PPHLN1: variants seen among roughly 807,000 people sequenced by gnomAD.
PPHLN1 encodes periphilin-1.
Under a neutral mutation model 51.3 loss-of-function variants are expected in PPHLN1, and 29 were observed. That is an observed-to-expected ratio of 0.57 (90% CI 0.42 to 0.77). The LOEUF is 0.77. PPHLN1 is among the 30% of genes least tolerant of loss of function. PPHLN1 has a pLI of 0.00. For synonymous variants in PPHLN1, 147 were observed against 147.8 expected (o/e 0.99, Z 0.04); for missense variants, 436 against 438.4 (o/e 0.99, Z 0.05).
chr12:42,387,484 A>C lies in PPHLN1; in HGVS notation c.597A>C (p.Lys199Asn), dbSNP rs2077288602. The C allele has an allele frequency of 6.2e-7, 1 of 1,613,338 alleles. No homozygotes were observed. Among genetic ancestry groups the C allele is most frequent in the African/African-American group, 1.3e-5 (1 of 74,896 alleles). The change falls in exon 7 of 10, where the codon AAA becomes AAC. Residue 199 changes from lysine (K) to asparagine (N), a missense_variant. By Grantham distance (94) the Lys-to-Asn change is moderately conservative (BLOSUM62 0). Transcript: ENST00000358314. ...RDKERPVQSL[K>N]TSRDTSPSSG... ...AAGAGAGGCCTGTCCAGTCTTTGAA[A>C]ACATCAAGAGATACTTCACCCTCAA...
chr12:42,378,592 TAAA>T (rs35199538), intron 5 of PPHLN1, among the ~76,000 whole-genome samples: 2 of 151,614 alleles, frequency 1.3e-5, no homozygotes, highest in African/African-American at 2.4e-5. Context: ...ATGCCCTCAT[TAAA>T]AAAAATTAAT....
intron 1 of PPHLN1, chr12:42,332,579 T>C: frequency 1.1e-6 from 1 of 932,078 alleles, no homozygotes. Context: ...TTTATACAAT[T>C]AATGAAGATT....
At chr12:42,401,477 A>C (rs1363253790) in intron 9 of PPHLN1, among the ~76,000 whole-genome samples, 18 of 140,460 alleles carry the variant, frequency 1.3e-4, no homozygotes, top group Non-Finnish European at 2.7e-4. Flanking sequence ...CCTGTTAGGA[A>C]CTGGGCGTCA....
intron 6 of PPHLN1, 136 bp from the exon 7 acceptor site, chr12:42,387,320 A>G: frequency 1.1e-6 from 1 of 892,666 alleles, no homozygotes; most frequent in East Asian, 2.9e-5. Flanking sequence ...ATATTAACCT[A>G]TTTAATGTAA....
intron 1 of PPHLN1, among the ~76,000 whole-genome samples, chr12:42,335,222 C>G (rs573359088): frequency 1.1e-4 from 16 of 152,120 alleles, no homozygotes; most frequent in Admixed American, 2.6e-4. Context: ...CCCACCCCCC[C>G]CTTCTCTGAA....
chr12:42,440,572 T>C (rs533150573), intron 9 of PPHLN1, among the ~76,000 whole-genome samples: 1 of 152,192 alleles, frequency 6.6e-6, no homozygotes, highest in Non-Finnish European at 1.5e-5. Flanking sequence ...AACCTGAGAA[T>C]AATATATAAA....
At chr12:42,350,068 G>C (rs2073029246) in intron 2 of PPHLN1, 1 of 150,418 alleles carries the variant, frequency 6.6e-6, no homozygotes, top group Non-Finnish European at 1.5e-5. Context: ...CTGCCGGGCG[G>C]GGGCGCCCCC....
chr12:42,432,262 C>CT, intron 9 of PPHLN1: 1 of 767,374 alleles, frequency 1.3e-6, no homozygotes, highest in Admixed American at 1.7e-5. Flanking sequence ...AATTAGGGCC[C>CT]TGACAACCTC....
intron 4 of PPHLN1, among the ~76,000 whole-genome samples, chr12:42,368,308 A>G (rs1316756902): frequency 6.6e-6 from 1 of 152,062 alleles, no homozygotes; most frequent in Non-Finnish European, 1.5e-5. Context: ...ATTTATCATG[A>G]TATGCGTTAT....
chr12:42,357,896 A>C (rs1431769867), intron 4 of PPHLN1, among the ~76,000 whole-genome samples: 4 of 152,070 alleles, frequency 2.6e-5, no homozygotes, highest in African/African-American at 4.8e-5. Flanking sequence ...CACCCTTCCA[A>C]ATCTCTGTCT....
chr12:42,375,558 C>T (rs1257599072), intron 5 of PPHLN1, among the ~76,000 whole-genome samples: 1 of 152,124 alleles, frequency 6.6e-6, no homozygotes, highest in Non-Finnish European at 1.5e-5. Context: ...GATCCGCCCA[C>T]CTCTGCCTCC....
intron 9 of PPHLN1, among the ~76,000 whole-genome samples, chr12:42,435,481 G>A (rs954368595): frequency 6.6e-6 from 1 of 152,122 alleles, no homozygotes; most frequent in Non-Finnish European, 1.5e-5. Context: ...TACAGCACAA[G>A]CAGCAACATA....
chr12:42,377,777 T>A (rs960619721), intron 5 of PPHLN1, among the ~76,000 whole-genome samples: 1 of 139,468 alleles, frequency 7.2e-6, no homozygotes, highest in South Asian at 2.5e-4. Flanking sequence ...TTAAAGATAG[T>A]TATTAGTGAA....
chr12:42,384,504 T>C (rs2139001880), intron 5 of PPHLN1, among the ~76,000 whole-genome samples: 1 of 152,326 alleles, frequency 6.6e-6, no homozygotes, highest in Middle Eastern at 3.4e-3. Flanking sequence ...GGGTGATCCA[T>C]CTTTCATTTT....
chr12:42,405,024 C>T (rs544596516), intron 9 of PPHLN1, among the ~76,000 whole-genome samples: 2 of 152,244 alleles, frequency 1.3e-5, no homozygotes, highest in South Asian at 2.1e-4. Flanking sequence ...GAGACTCCGT[C>T]TAAAAAAATA....
intron 9 of PPHLN1, among the ~76,000 whole-genome samples, chr12:42,412,391 G>A (rs1310720058): frequency 6.6e-6 from 1 of 151,500 alleles, no homozygotes; most frequent in Non-Finnish European, 1.5e-5. Flanking sequence ...TTGGCTTCCA[G>A]CTCTATCAGA....
downstream of PPHLN1, chr12:42,446,548 A>G (rs1166222136): frequency 6.2e-7 from 1 of 1,603,492 alleles, no homozygotes; most frequent in Non-Finnish European, 8.5e-7. Flanking sequence ...AAAGAATATT[A>G]CTAATTATAC....
At chr12:42,395,937 G>A (rs908419384) in intron 8 of PPHLN1, among the ~76,000 whole-genome samples, 6 of 152,076 alleles carry the variant, frequency 3.9e-5, no homozygotes, top group African/African-American at 1.4e-4. Flanking sequence ...GAAATTGAAG[G>A]TAAATTCAAT....
rs1217346501 is a variant in PPHLN1 at position 42,393,687 on chromosome 12, G to T, written c.766G>T (p.Glu256Ter). The T allele has an allele frequency of 6.2e-7, 1 of 1,601,130 alleles. No homozygotes were observed. The highest frequency in any genetic ancestry group is 1.1e-5 in the South Asian group (1 of 88,268). ...TAACTTGCCTGAAATTTCTGAGTATGAGGTAAGGCATAATGTCTCCTTTAT... is the reference window on the plus strand; with the variant it reads ...TAACTTGCCTGAAATTTCTGAGTATTAGGTAAGGCATAATGTCTCCTTTAT... ...ESNLPEISEY[E>*]AGSTAPLFTD... The change falls in exon 8 of 10, where the codon GAG (glutamate) becomes TAG (stop). Residue 256 changes from glutamate to a stop codon, truncating the protein, a stop_gained and splice_region_variant. Transcript: ENST00000358314. LOFTEE classifies it high-confidence loss of function.
Sources: allele counts gnomAD v4.1 joint callset (sites outside exome capture counted in the v4.1 genomes callset), GRCh38; gene constraint gnomAD v4.1.1; transcripts MANE v1.5; gene names NCBI Gene and HGNC (gene_info 2026-07-23, HGNC 2026-07-21).